STK32C: variants seen among roughly 807,000 people sequenced by gnomAD.
The protein encoded by STK32C is serine/threonine-protein kinase 32C.
Under a neutral mutation model 56.5 loss-of-function variants are expected in STK32C, and 31 were observed. The ratio of observed to expected loss-of-function variants is 0.55; its 90% CI spans 0.41 to 0.74. STK32C has a LOEUF of 0.74. Among genes scored for constraint, STK32C ranks in the 30% least tolerant of loss-of-function variants. The pLI, the probability that STK32C is intolerant of heterozygous loss-of-function variation, is 0.00. For missense variants in STK32C, 544 were observed against 676.9 expected (o/e 0.80, Z 2.18); for synonymous variants, 309 against 289.4 (o/e 1.07, Z -0.69).
At chr10:132,296,815 T>C (rs2065761280) in intron 1 of STK32C, among the ~76,000 whole-genome samples, 1 of 152,136 alleles carries the variant, frequency 6.6e-6, no homozygotes, top group South Asian at 2.1e-4. Context: ...GAAGCAGATG[T>C]CCCAGGCGAC....
chr10:132,325,162 G>C (rs1369736785), intron 1 of STK32C, among the ~76,000 whole-genome samples: 1 of 152,170 alleles, frequency 6.6e-6, no homozygotes, highest in Non-Finnish European at 1.5e-5. Context: ...GTTGTGGGAG[G>C]GACCCGGTGG....
chr10:132,231,834 ACAC>A (rs1219841455), intron 2 of STK32C, among the ~76,000 whole-genome samples: 1 of 152,224 alleles, frequency 6.6e-6, no homozygotes, highest in Non-Finnish European at 1.5e-5. Flanking sequence ...CAAGCTGAGG[ACAC>A]CACGAGTGGC....
At chr10:132,299,496 C>A (rs1215610856) in intron 1 of STK32C, among the ~76,000 whole-genome samples, 4 of 152,260 alleles carry the variant, frequency 2.6e-5, no homozygotes, top group Non-Finnish European at 4.4e-5. Context: ...ATCCACCAGC[C>A]AACAGCAAAC....
chr10:132,223,007 G>A (rs1243435005), intron 8 of STK32C, 21 bp from the exon 9 acceptor site: 3 of 1,544,242 alleles, frequency 1.9e-6, no homozygotes, highest in South Asian at 1.2e-5. Context: ...GCATGAGTCA[G>A]AGGGTCCAGG....
intron 1 of STK32C, among the ~76,000 whole-genome samples, chr10:132,277,751 G>C (rs1173559446): frequency 2.0e-5 from 3 of 152,174 alleles, no homozygotes; most frequent in Non-Finnish European, 2.9e-5. Flanking sequence ...TGAGTCCCTT[G>C]CACAGACAAG....
chr10:132,312,029 C>G (rs761936887), upstream of STK32C, among the ~76,000 whole-genome samples: 2 of 152,136 alleles, frequency 1.3e-5, no homozygotes, highest in Non-Finnish European at 2.9e-5. Flanking sequence ...TTTTTTGAGA[C>G]AGAGTCTCAC....
chr10:132,311,918 C>T (rs2066229893), upstream of STK32C, among the ~76,000 whole-genome samples: 1 of 152,126 alleles, frequency 6.6e-6, no homozygotes, highest in African/African-American at 2.4e-5. The surrounding 1 kb of genome is among the most constrained non-coding windows in gnomAD (Gnocchi z 4.4). Flanking sequence ...CACCATTTAA[C>T]CCACCACATC....
chr10:132,322,585 A>G (rs1410016729), downstream of STK32C, among the ~76,000 whole-genome samples: 2 of 152,230 alleles, frequency 1.3e-5, no homozygotes, highest in Admixed American at 1.3e-4. Context: ...GAAACTACAC[A>G]GGTAATGGGC....
At chr10:132,264,903 G>A (rs1010204243) in intron 1 of STK32C, among the ~76,000 whole-genome samples, 1 of 152,268 alleles carries the variant, frequency 6.6e-6, no homozygotes, top group Non-Finnish European at 1.5e-5. Context: ...CTTTAGGAAA[G>A]ACGTTAAACT....
At chr10:132,323,020 A>G (rs962068753), downstream of STK32C, among the ~76,000 whole-genome samples, 3 of 152,158 alleles carry the variant, frequency 2.0e-5, no homozygotes, top group Admixed American at 2.0e-4. This position sits in a 1 kb window ranked among gnomAD's most constrained non-coding sequence, Gnocchi z 4.8. Context: ...AGCCCAGGGA[A>G]GGAGGATGTC....
At chr10:132,266,939 C>CGA (rs2064556234) in intron 1 of STK32C, among the ~76,000 whole-genome samples, 1 of 151,918 alleles carries the variant, frequency 6.6e-6, no homozygotes, top group African/African-American at 2.4e-5. Flanking sequence ...GAGGGCTGCG[C>CGA]GGACGAGGCC....
chr10:132,247,911 A>T (rs756789961), intron 1 of STK32C, among the ~76,000 whole-genome samples: 29 of 152,236 alleles, frequency 1.9e-4, no homozygotes, highest in Middle Eastern at 3.4e-3. Flanking sequence ...AGAGGCTGCC[A>T]GGCATCAGAG....
At chr10:132,325,667 G>A (rs1396258133) in intron 1 of STK32C, among the ~76,000 whole-genome samples, 1 of 151,940 alleles carries the variant, frequency 6.6e-6, no homozygotes, top group Non-Finnish European at 1.5e-5. Context: ...CCAGCCAGGT[G>A]GAACTTAAGT....
chr10:132,211,892 G>A (rs61865847), intron 10 of STK32C, among the ~76,000 whole-genome samples: 2 of 152,056 alleles, frequency 1.3e-5, no homozygotes, highest in Non-Finnish European at 2.9e-5. Flanking sequence ...CTCCCATCCC[G>A]AGAAGGGCGG....
intron 1 of STK32C, among the ~76,000 whole-genome samples, chr10:132,262,238 C>T (rs1465140130): frequency 6.6e-6 from 1 of 152,120 alleles, no homozygotes; most frequent in Admixed American, 6.5e-5. Context: ...GCCGGCGAGC[C>T]ACATGAGGAA....
intron 1 of STK32C, among the ~76,000 whole-genome samples, chr10:132,291,491 G>T (rs936908630): frequency 6.6e-6 from 1 of 152,180 alleles, no homozygotes; most frequent in African/African-American, 2.4e-5. Context: ...CTAGAGGCAC[G>T]GTCACCTGCA....
chr10:132,282,983 G>A lies in STK32C; in HGVS notation c.262+24589C>T, dbSNP rs184982719. Among the ~76,000 whole-genome samples the A allele has an allele frequency of 3.7e-3, 563 of 152,344 alleles. 11 individuals are homozygous for A. In the South Asian group the frequency reaches 0.057, roughly 15 times the overall value. On this transcript the variant is annotated intron_variant, in intron 1 of 11. Coordinates refer to ENST00000298630, the MANE Select transcript of STK32C (RefSeq NM_173575.4). ...GCTGGCCCTGCTGCGTTCTCAGGCC[G>A]AGGCTGCACCAATCACATTCCCAGG...
In STK32C at chr10:132,307,366, GCGC is replaced by G. The variant is rs1295807169; in HGVS notation, c.262+203_262+205del. On this transcript the variant is annotated intron_variant, in intron 1 of 11. Coordinates refer to ENST00000298630, the MANE Select transcript of STK32C (RefSeq NM_173575.4). The surrounding 1 kb of genome is among the most constrained non-coding windows in gnomAD (Gnocchi z 4.4). ...CCGGGCCCAGCCTGCTCCTCCTGCG[GCGC>G]CGCCACTAGAAACGGAGGACGCGGG... 1.1e-4 allele frequency among the ~76,000 whole-genome samples: 16 copies of G among 152,158 alleles called. No homozygotes were observed. In the East Asian group the frequency reaches 3.1e-3, roughly 30 times the overall value.
chr10:132,305,553 G>A (rs778245021), intron 1 of STK32C, among the ~76,000 whole-genome samples: 98 of 152,158 alleles, frequency 6.4e-4, no homozygotes, highest in Non-Finnish European at 1.1e-3. Flanking sequence ...CTGCCACGGG[G>A]CCACGAAAGT....
Sources: allele counts gnomAD v4.1 joint callset (sites outside exome capture counted in the v4.1 genomes callset), GRCh38; gene constraint gnomAD v4.1.1; non-coding constraint Gnocchi (gnomAD v3.1); transcripts MANE v1.5; gene names NCBI Gene and HGNC (gene_info 2026-07-23, HGNC 2026-07-21).